The following RAB27A variants were observed in gnomAD, a reference collection of about 807,000 sequenced individuals.
RAB27A encodes the protein ras-related protein Rab-27A.
Under a neutral mutation model 20.8 loss-of-function variants are expected in RAB27A, and 17 were observed. The ratio of observed to expected loss-of-function variants is 0.82; its 90% CI spans 0.56 to 1.23. The LOEUF (loss-of-function observed/expected upper bound fraction) is 1.23, where lower values mean the gene tolerates loss of function less well. RAB27A is among the 50% of genes most tolerant of loss of function. The probability of loss-of-function intolerance (pLI) is 0.00; values close to 1 mark genes in which losing one functional copy is unlikely to be tolerated. For synonymous variants in RAB27A, 85 were observed against 92.8 expected (o/e 0.92, Z 0.48); for missense variants, 277 against 266.7 (o/e 1.04, Z -0.27).
At chr15:55,252,510 G>A (rs776172802) in intron 2 of RAB27A, among the ~76,000 whole-genome samples, 4 of 152,092 alleles carry the variant, frequency 2.6e-5, no homozygotes, top group African/African-American at 4.8e-5. Context: ...GCTGAGGCAC[G>A]AGAATGGCTT....
At chr15:55,308,496 G>A (rs1194815631) in intron 2 of RAB27A, among the ~76,000 whole-genome samples, 1 of 152,164 alleles carries the variant, frequency 6.6e-6, no homozygotes, top group African/African-American at 2.4e-5. Context: ...CATTATCACT[G>A]ACCACTGCAT....
At chr15:55,232,561 T>C (rs1896075377) in intron 3 of RAB27A, among the ~76,000 whole-genome samples, 1 of 152,122 alleles carries the variant, frequency 6.6e-6, no homozygotes, top group Non-Finnish European at 1.5e-5. Context: ...TATAAATATA[T>C]TCAAAGAACT....
At chr15:55,316,305 A>C (rs1309253388) in intron 1 of RAB27A, among the ~76,000 whole-genome samples, 1 of 151,880 alleles carries the variant, frequency 6.6e-6, no homozygotes, top group East Asian at 1.9e-4. Context: ...CATCATTCTC[A>C]GCAAACTAAC....
intron 1 of RAB27A, among the ~76,000 whole-genome samples, chr15:55,287,382 T>C (rs972550595): frequency 8.5e-5 from 13 of 152,130 alleles, no homozygotes; most frequent in African/African-American, 2.9e-4. Flanking sequence ...CTCCTAGAGA[T>C]TGTTGCTCAC....
At chr15:55,309,540 A>T (rs1352582594) in intron 2 of RAB27A, among the ~76,000 whole-genome samples, 1 of 152,202 alleles carries the variant, frequency 6.6e-6, no homozygotes, top group African/African-American at 2.4e-5. Flanking sequence ...AATAGATGGG[A>T]GCTATCCCTG....
chr15:55,251,970 A>T (rs1257308630), intron 2 of RAB27A, among the ~76,000 whole-genome samples: 1 of 152,162 alleles, frequency 6.6e-6, no homozygotes, highest in Non-Finnish European at 1.5e-5. Context: ...ACCTGGCTTC[A>T]TGTCAAGGCA....
At chr15:55,258,769 G>C (rs762236598) in intron 2 of RAB27A, among the ~76,000 whole-genome samples, 2 of 152,042 alleles carry the variant, frequency 1.3e-5, no homozygotes, top group Non-Finnish European at 2.9e-5. Context: ...TTAGTTTCTT[G>C]GCCATCTAGT....
At chr15:55,254,089 T>A (rs1361246137) in intron 2 of RAB27A, among the ~76,000 whole-genome samples, 1 of 152,178 alleles carries the variant, frequency 6.6e-6, no homozygotes, top group Non-Finnish European at 1.5e-5. Flanking sequence ...CACATGAAAA[T>A]CAATCTCATA....
At chr15:55,220,977 A>G (rs1895542968) in intron 6 of RAB27A, among the ~76,000 whole-genome samples, 1 of 152,066 alleles carries the variant, frequency 6.6e-6, no homozygotes. Flanking sequence ...CTCTTTTCTC[A>G]TTTTAACCCA....
In RAB27A at chr15:55,271,957, A is replaced by T. The variant is rs77767921; in HGVS notation, c.-142-1673T>A. On this transcript the variant is annotated intron_variant, in intron 1 of 6. Transcript: ENST00000336787. ...GAATTTTCGTTTCACACCTGACGAAAATCTCATGAAAATGCACCTCTTTCT... is the reference window on the plus strand; with the variant it reads ...GAATTTTCGTTTCACACCTGACGAATATCTCATGAAAATGCACCTCTTTCT... Among the ~76,000 whole-genome samples, 1,465 of 152,298 alleles carry T rather than the reference A, an allele frequency of 9.6e-3. 22 individuals are homozygous for T. The highest frequency in any genetic ancestry group is 0.031 in the African/African-American group (1,282 of 41,540).
intron 2 of RAB27A, among the ~76,000 whole-genome samples, chr15:55,265,660 T>G (rs138010899): frequency 3.3e-4 from 50 of 150,024 alleles, no homozygotes; most frequent in African/African-American, 1.1e-3. Flanking sequence ...AAGACCAGGT[T>G]TCGAACCGTC....
chr15:55,270,028 CATT>C (rs1190032325), intron 2 of RAB27A, 134 bp downstream of exon 2: 1 of 151,872 alleles, frequency 6.6e-6, no homozygotes, highest in Non-Finnish European at 1.5e-5. Context: ...TAGTAGACAT[CATT>C]AAGTCTTTAG....
At chr15:55,218,289 A>G (rs953195182) in intron 6 of RAB27A, among the ~76,000 whole-genome samples, 1 of 152,234 alleles carries the variant, frequency 6.6e-6, no homozygotes, top group Non-Finnish European at 1.5e-5. Context: ...AACCTGGGAT[A>G]TTGCAGCAAA....
intron 5 of RAB27A, 73 bp downstream of exon 5, chr15:55,228,536 G>T: frequency 1.8e-6 from 2 of 1,140,910 alleles, no homozygotes; most frequent in Non-Finnish European, 2.7e-6. Flanking sequence ...TGTCACAGAA[G>T]TAGAGCATAA....
intron 1 of RAB27A, among the ~76,000 whole-genome samples, chr15:55,286,137 G>C (rs1239269259): frequency 6.6e-6 from 1 of 152,186 alleles, no homozygotes; most frequent in Non-Finnish European, 1.5e-5. Context: ...GGATGTGCCC[G>C]ATCTCCTCTG....
rs186268724 is a variant in RAB27A, at chr15:55,301,565, T to C, written c.-112+12474A>G. ...GTTCACCCTTTAAAAGTGTATGATT[T>C]GGTGGTTTTTAATATATTCACAAAG... On this transcript the variant is annotated intron_variant, in intron 2 of 5. Coordinates refer to the RAB27A transcript ENST00000563262. Among the ~76,000 whole-genome samples, 18 of 152,104 alleles carry C rather than the reference T, an allele frequency of 1.2e-4. No homozygotes were observed. In the East Asian group the frequency reaches 3.3e-3, roughly 28 times the overall value.
intron 2 of RAB27A, among the ~76,000 whole-genome samples, chr15:55,299,142 T>C (rs573683126): frequency 4.6e-5 from 7 of 152,352 alleles, no homozygotes; most frequent in East Asian, 3.9e-4. Context: ...TAAGTGTCCA[T>C]GAAATTGTCA....
chr15:55,250,718 T>A (rs1040113540), intron 2 of RAB27A, among the ~76,000 whole-genome samples: 3 of 152,324 alleles, frequency 2.0e-5, no homozygotes, highest in Non-Finnish European at 2.9e-5. Context: ...ATGAAAGGGC[T>A]ATTCTGGGTT....
At chr15:55,308,315 C>T (rs768180925) in intron 2 of RAB27A, among the ~76,000 whole-genome samples, 2 of 152,202 alleles carry the variant, frequency 1.3e-5, no homozygotes, top group Admixed American at 6.5e-5. Context: ...ATTAGGAATT[C>T]CCCTTCTCTC....
Sources: gnomAD v4.1 joint callset for allele counts (sites outside exome capture counted in the v4.1 genomes callset) on GRCh38, gnomAD v4.1.1 for gene constraint, MANE v1.5 for transcripts, NCBI Gene and HGNC (gene_info 2026-07-23, HGNC 2026-07-21) for gene names.